Variants in MYO3B observed in about 807,000 individuals in gnomAD.
MYO3B encodes the protein myosin IIIB.
In MYO3B, 156 loss-of-function variants were observed where a neutral mutation model predicts 174.6. That is an observed-to-expected ratio of 0.89 (90% CI 0.78 to 1.02). The LOEUF is 1.02. Among genes scored for constraint, MYO3B ranks in the 50% least tolerant of loss-of-function variants. The probability of loss-of-function intolerance (pLI) is 0.00; values close to 1 mark genes in which losing one functional copy is unlikely to be tolerated. For synonymous variants in MYO3B, 563 were observed against 569.1 expected, an observed-to-expected ratio of 0.99 and a Z score of 0.15; for missense variants, 1,632 against 1,639.4, an observed-to-expected ratio of 1.00 and a Z score of 0.08.
intron 16 of MYO3B, among the ~76,000 whole-genome samples, chr2:170,396,406 A>T (rs1458314674): frequency 6.6e-6 from 1 of 152,038 alleles, no homozygotes; most frequent in Non-Finnish European, 1.5e-5. Flanking sequence ...TGATGTTTTG[A>T]CCTGAAAGCA....
intron 28 of MYO3B, among the ~76,000 whole-genome samples, chr2:170,511,680 C>A (rs1285548078): frequency 6.6e-5 from 10 of 152,172 alleles, no homozygotes; most frequent in Non-Finnish European, 2.9e-5. Context: ...GCTGTCGTTC[C>A]TTCTAAACAT....
rs778240204 is a variant in MYO3B at position 170,404,235 on chromosome 2, A to T, written c.2278-12A>T. The T allele has an allele frequency of 2.5e-5, 39 of 1,591,274 alleles. No homozygotes were observed. The highest frequency in any genetic ancestry group is 3.3e-5 in the Non-Finnish European group (39 of 1,168,966). ...TTTGGGCTGGAGAGAATCACAATCC[A>T]TTTCCCTCCAGATGGAATATCAGAA... On this transcript the variant is annotated splice_polypyrimidine_tract_variant and intron_variant, in intron 19 of 34. Coordinates refer to ENST00000408978, the MANE Select transcript of MYO3B (RefSeq NM_138995.5).
chr2:170,411,303 T>C (rs935164431), intron 22 of MYO3B, among the ~76,000 whole-genome samples: 12 of 152,212 alleles, frequency 7.9e-5, no homozygotes, highest in South Asian at 2.1e-4. Context: ...GTTGATTTCA[T>C]CGTTGTACAA....
intron 12 of MYO3B, among the ~76,000 whole-genome samples, chr2:170,384,194 A>G (rs548001100): frequency 1.3e-5 from 2 of 152,280 alleles, no homozygotes; most frequent in Admixed American, 1.3e-4. Flanking sequence ...AGGTCTTAGA[A>G]TTTTCATGAT....
chr2:170,269,360 C>A (rs1191076239), intron 7 of MYO3B, among the ~76,000 whole-genome samples: 1 of 152,126 alleles, frequency 6.6e-6, no homozygotes, highest in Non-Finnish European at 1.5e-5. Context: ...GTGGTTCTCA[C>A]CTTACCACTT....
intron 7 of MYO3B, among the ~76,000 whole-genome samples, chr2:170,328,453 C>T (rs1220960021): frequency 2.0e-5 from 3 of 152,136 alleles, no homozygotes; most frequent in African/African-American, 7.2e-5. Flanking sequence ...TTGGCTGTAG[C>T]TCTGTTGCCC....
chr2:170,592,945 T>C (rs1358556166), intron 32 of MYO3B, among the ~76,000 whole-genome samples: 2 of 144,192 alleles, frequency 1.4e-5, no homozygotes, highest in Non-Finnish European at 3.1e-5. Flanking sequence ...TCTAGATCTA[T>C]ATATAGATAT....
At chr2:170,219,184 C>A (rs769351073) in intron 6 of MYO3B, among the ~76,000 whole-genome samples, 14 of 152,222 alleles carry the variant, frequency 9.2e-5, no homozygotes, top group Non-Finnish European at 1.9e-4. Flanking sequence ...CATTGAGGCT[C>A]CTTTCCCTAA....
At chr2:170,190,451 C>T (rs1313880806) in intron 1 of MYO3B, among the ~76,000 whole-genome samples, 3 of 152,140 alleles carry the variant, frequency 2.0e-5, no homozygotes, top group Admixed American at 6.6e-5. Flanking sequence ...GCAAGATCCC[C>T]CTGGTCCTAC....
At chr2:170,628,514 C>T (rs137857726) in intron 32 of MYO3B, among the ~76,000 whole-genome samples, 24 of 152,330 alleles carry the variant, frequency 1.6e-4, no homozygotes, top group African/African-American at 4.3e-4. Flanking sequence ...CAATGCCTTG[C>T]CCTGCTTTGG....
At chr2:170,615,330 C>T (rs1695386331) in intron 32 of MYO3B, among the ~76,000 whole-genome samples, 1 of 152,206 alleles carries the variant, frequency 6.6e-6, no homozygotes, top group Non-Finnish European at 1.5e-5. Context: ...ATGGGAAAGT[C>T]AGACAAGAAA....
intron 9 of MYO3B, among the ~76,000 whole-genome samples, chr2:170,374,616 C>CTG (rs1197718826): frequency 1.3e-5 from 2 of 152,130 alleles, no homozygotes; most frequent in Non-Finnish European, 2.9e-5. Flanking sequence ...AGAAGCTGTA[C>CTG]TGTGCTTGGA....
chr2:170,542,362 C>T (rs1336995137), intron 30 of MYO3B, among the ~76,000 whole-genome samples: 1 of 152,224 alleles, frequency 6.6e-6, no homozygotes, highest in Non-Finnish European at 1.5e-5. Context: ...TAGGTTATCA[C>T]TTTAAGCTTC....
In MYO3B at chr2:170,235,976, G is replaced by A; in HGVS notation, c.604-15G>A. 1 of 1,613,750 alleles carries A rather than the reference G, an allele frequency of 6.2e-7. No individual in the cohort carries two copies. On this transcript the variant is annotated splice_polypyrimidine_tract_variant and intron_variant, in intron 6 of 34. Coordinates refer to ENST00000408978, the MANE Select transcript of MYO3B (RefSeq NM_138995.5). ...CAGTAGGGTTGATGTGTCATGTCCTGCTTTTGTCCAATAGGTCATTGCCTG... is the reference window on the plus strand; with the variant it reads ...CAGTAGGGTTGATGTGTCATGTCCTACTTTTGTCCAATAGGTCATTGCCTG...
intron 6 of MYO3B, among the ~76,000 whole-genome samples, chr2:170,219,689 T>C (rs1292041545): frequency 6.6e-6 from 1 of 151,876 alleles, no homozygotes; most frequent in East Asian, 1.9e-4. Context: ...CATCCATCTG[T>C]AAGAAAGCCA....
At chr2:170,510,169 G>T (rs1332361181) in intron 28 of MYO3B, among the ~76,000 whole-genome samples, 1 of 152,104 alleles carries the variant, frequency 6.6e-6, no homozygotes, top group Non-Finnish European at 1.5e-5. Flanking sequence ...TGATGCAAAT[G>T]GTTGTGAAAA....
At chr2:170,363,116 A>G (rs998171802) in intron 8 of MYO3B, among the ~76,000 whole-genome samples, 25 of 152,268 alleles carry the variant, frequency 1.6e-4, no homozygotes, top group Non-Finnish European at 3.2e-4. Flanking sequence ...TCAGATCCAA[A>G]ATGTTTAGAT....
At chr2:170,401,796 C>CTTTTTATT in intron 18 of MYO3B, 105 bp downstream of exon 18, 13 of 793,930 alleles carry the variant, frequency 1.6e-5, no homozygotes, top group Non-Finnish European at 2.4e-5. Context: ...GATTTTCTTT[C>CTTTTTATT]TTTTTCTTTT....
chr2:170,200,095 T>C, intron 2 of MYO3B, 55 bp from the exon 3 acceptor site: 1 of 1,561,968 alleles, frequency 6.4e-7, no homozygotes, highest in Admixed American at 1.8e-5. Context: ...GTCATATCTG[T>C]ACCCTTCCTT....
Sources: allele counts gnomAD v4.1 joint callset (sites outside exome capture counted in the v4.1 genomes callset), GRCh38; gene constraint gnomAD v4.1.1; transcripts MANE v1.5; gene names NCBI Gene and HGNC (gene_info 2026-07-23, HGNC 2026-07-21).